The following SNTG1 variants were observed in gnomAD, a reference collection of about 807,000 sequenced individuals.
SNTG1 encodes the protein syntrophin gamma 1.
In SNTG1, 39 loss-of-function variants were observed where a neutral mutation model predicts 74.7. That is an observed-to-expected ratio of 0.52 (90% confidence interval 0.40 to 0.68). SNTG1 has a LOEUF of 0.68. SNTG1 is among the 30% of genes least tolerant of loss of function. SNTG1 has a pLI of 0.00. For missense variants in SNTG1, 685 were observed against 609.5 expected (o/e 1.12, Z -1.30); for synonymous variants, 254 against 217.1 (o/e 1.17, Z -1.49).
chr8:50,734,874 CATATATATATCTATATATATGGA>C (rs2095523337), intron 17 of SNTG1, among the ~76,000 whole-genome samples: 1 of 114,466 alleles, frequency 8.7e-6, no homozygotes, highest in African/African-American at 3.7e-5. Flanking sequence ...TATATATGGA[CATATATATATCTATATATATGGA>C]CATATATATA....
chr8:50,193,771 A>G (rs1221376993), intron 2 of SNTG1, among the ~76,000 whole-genome samples: 1 of 152,108 alleles, frequency 6.6e-6, no homozygotes, highest in African/African-American at 2.4e-5. Context: ...GAATGCTTTC[A>G]ACATTTCCCC....
At position 50,267,695 on chromosome 8, in the gene SNTG1, G is replaced by T. The variant is rs541192382; in HGVS notation, c.-28+95060G>T. On this transcript the variant is annotated intron_variant, in intron 2 of 18. Coordinates refer to ENST00000642720, the MANE Select transcript of SNTG1 (RefSeq NM_018967.5). Reference sequence around the variant, plus strand: ...TAATCCACCATATTAATGGGCTAAAGAAAAAATATATAGTAGTATCATTTG... The same window carrying T: ...TAATCCACCATATTAATGGGCTAAATAAAAAATATATAGTAGTATCATTTG... Among the ~76,000 whole-genome samples the T allele has an allele frequency of 3.4e-4, 51 of 152,126 alleles. No individual in the cohort carries two copies. In the South Asian group the frequency reaches 7.5e-3, roughly 22 times the overall value.
At chr8:50,788,535 G>T (rs1459106326) in intron 18 of SNTG1, among the ~76,000 whole-genome samples, 3 of 151,904 alleles carry the variant, frequency 2.0e-5, no homozygotes, top group Non-Finnish European at 4.4e-5. Context: ...TGTGGGAGTT[G>T]TTTATATTCT....
intron 2 of SNTG1, among the ~76,000 whole-genome samples, chr8:50,288,254 A>AT (rs2088896355): frequency 6.6e-6 from 1 of 152,166 alleles, no homozygotes; most frequent in Non-Finnish European, 1.5e-5. Context: ...CAACTCTCAT[A>AT]TTTTTTAAAT....
intron 3 of SNTG1, 59 bp downstream of exon 3, chr8:50,394,324 T>C: frequency 1.3e-6 from 2 of 1,548,580 alleles, no homozygotes; most frequent in Non-Finnish European, 1.8e-6. Flanking sequence ...CGGGAAACAC[T>C]TGGCTCCAAT....
At chr8:50,258,849 GAA>G (rs2130045619) in intron 2 of SNTG1, among the ~76,000 whole-genome samples, 1 of 152,180 alleles carries the variant, frequency 6.6e-6, no homozygotes, top group African/African-American at 2.4e-5. Flanking sequence ...GAGATTACCA[GAA>G]GAGAGGACAA....
chr8:49,932,023 T>C (rs1441523298), intron 1 of SNTG1, among the ~76,000 whole-genome samples: 1 of 152,182 alleles, frequency 6.6e-6, no homozygotes. Flanking sequence ...TTGTGTGTGC[T>C]TAATTTTTTA....
intron 2 of SNTG1, among the ~76,000 whole-genome samples, chr8:50,190,764 T>C (rs1163794510): frequency 6.6e-5 from 10 of 152,124 alleles, no homozygotes; most frequent in Non-Finnish European, 1.5e-4. Context: ...CCTCCGCACA[T>C]CACAGAGGTG....
Position 50,233,925 on chromosome 8 carries a change from G to A in SNTG1, c.-28+61290G>A, listed in dbSNP as rs140747313. Among the ~76,000 whole-genome samples the A allele has an allele frequency of 7.7e-4, 117 of 151,760 alleles. 2 individuals are homozygous for A. In the East Asian group the frequency reaches 0.013, roughly 16 times the overall value. Reference sequence around the variant, plus strand: ...ATGCTGGTAAAGAGAAAGAGAAAACGGATCGCTCATATATTTTTGTAAGGA... The same window carrying A: ...ATGCTGGTAAAGAGAAAGAGAAAACAGATCGCTCATATATTTTTGTAAGGA... On this transcript the variant is annotated intron_variant, in intron 2 of 18. Transcript: ENST00000642720.
intron 12 of SNTG1, among the ~76,000 whole-genome samples, chr8:50,566,624 T>C (rs1373998850): frequency 6.6e-6 from 1 of 152,006 alleles, no homozygotes; most frequent in Admixed American, 6.6e-5. Context: ...TATTAAAAGG[T>C]ATTTGGATAT....
At chr8:50,155,429 T>A (rs1274028111) in intron 1 of SNTG1, among the ~76,000 whole-genome samples, 1 of 151,986 alleles carries the variant, frequency 6.6e-6, no homozygotes. Context: ...ATTAGAGAAC[T>A]AATGTAAAAG....
intron 18 of SNTG1, among the ~76,000 whole-genome samples, chr8:50,770,628 A>C (rs2131782140): frequency 6.6e-6 from 1 of 152,188 alleles, no homozygotes. Flanking sequence ...CTATGGTTTT[A>C]ATATGGCTTC....
intron 8 of SNTG1, among the ~76,000 whole-genome samples, chr8:50,465,733 T>C (rs2093603883): frequency 6.6e-6 from 1 of 152,172 alleles, no homozygotes; most frequent in African/African-American, 2.4e-5. Flanking sequence ...TTTTTTCACT[T>C]AGCAAGGTGC....
chr8:50,229,638 A>C (rs79238553), intron 2 of SNTG1, among the ~76,000 whole-genome samples: 2,652 of 137,518 alleles, frequency 0.019, 66 homozygotes, highest in African/African-American at 0.052. Context: ...GTAAGAGTGT[A>C]GTTTGAGACT....
chr8:50,563,616 C>T (rs779108202), intron 12 of SNTG1, among the ~76,000 whole-genome samples: 22 of 151,938 alleles, frequency 1.4e-4, no homozygotes, highest in Admixed American at 4.6e-4. Flanking sequence ...CACTGAGTCA[C>T]TTTCTAAGTG....
chr8:50,216,504 C>T lies in SNTG1; in HGVS notation c.-28+43869C>T, dbSNP rs574195000. Among the ~76,000 whole-genome samples, 34 of 152,222 alleles carry T rather than the reference C, an allele frequency of 2.2e-4. 1 individual carries two copies. The highest frequency in any genetic ancestry group is 8.2e-4 in the African/African-American group (34 of 41,544). On this transcript the variant is annotated intron_variant, in intron 2 of 18. Transcript: ENST00000642720. ...AAATTTATACTGTTAAGAGTAGCAA[C>T]AGACTTAGGGGATGAAAGCAGGTTG...
At chr8:50,730,155 T>A (rs2095509598) in intron 17 of SNTG1, among the ~76,000 whole-genome samples, 1 of 152,164 alleles carries the variant, frequency 6.6e-6, no homozygotes, top group African/African-American at 2.4e-5. Context: ...GTTTAATTAA[T>A]TTTGAATGAA....
Position 50,582,114 on chromosome 8 carries a change from G to A in SNTG1, c.811-8765G>A, listed in dbSNP as rs143781678. Among the ~76,000 whole-genome samples, 1,213 of 152,236 alleles carry A rather than the reference G, an allele frequency of 8.0e-3. 15 individuals are homozygous for A. The highest frequency in any genetic ancestry group is 0.027 in the African/African-American group (1,108 of 41,542). On this transcript the variant is annotated intron_variant, in intron 12 of 18. Transcript: ENST00000642720. Reference sequence around the variant, plus strand: ...GCAGGTTTCACACTATAGACATTAAGACTCAAGAACTTAGAGGGTTTTTGG... The same window carrying A: ...GCAGGTTTCACACTATAGACATTAAAACTCAAGAACTTAGAGGGTTTTTGG...
intron 13 of SNTG1, among the ~76,000 whole-genome samples, chr8:50,620,630 A>G (rs573354113): frequency 4.5e-4 from 68 of 152,302 alleles, no homozygotes; most frequent in African/African-American, 1.6e-3. Context: ...GTTATCATCT[A>G]TAGAATGGGC....
Sources: allele counts gnomAD v4.1 joint callset (sites outside exome capture counted in the v4.1 genomes callset), GRCh38; gene constraint gnomAD v4.1.1; transcripts MANE v1.5; gene names NCBI Gene and HGNC (gene_info 2026-07-23, HGNC 2026-07-21).